Variants in ADGRB3 observed in about 807,000 individuals in gnomAD.
ADGRB3 encodes the protein adhesion G protein-coupled receptor B3.
ADGRB3 carries 37 observed loss-of-function variants against 193.4 expected under a neutral mutation model. That is an observed-to-expected ratio of 0.19 (90% CI 0.15 to 0.25). The LOEUF (loss-of-function observed/expected upper bound fraction) is 0.25, where lower values mean the gene tolerates loss of function less well. Ranked by LOEUF, ADGRB3 falls within the 10% of genes least tolerant of loss-of-function variation. The pLI is 1.00. For missense variants in ADGRB3, 1,637 were observed against 1,852.9 expected, an observed-to-expected ratio of 0.88 and a Z score of 2.14; for synonymous variants, 690 against 644.2, an observed-to-expected ratio of 1.07 and a Z score of -1.08.
intron 17 of ADGRB3, among the ~76,000 whole-genome samples, chr6:69,189,185 CTTAAA>C (rs1284304368): frequency 3.9e-5 from 6 of 152,148 alleles, no homozygotes; most frequent in African/African-American, 9.7e-5. Flanking sequence ...GTCAGAAACT[CTTAAA>C]TTAAGTTAGT....
At chr6:69,272,564 CTG>C (rs1767204898) in intron 20 of ADGRB3, among the ~76,000 whole-genome samples, 1 of 152,012 alleles carries the variant, frequency 6.6e-6, no homozygotes, top group Non-Finnish European at 1.5e-5. Context: ...AAGGAGGAAT[CTG>C]GAATTGGATT....
intron 10 of ADGRB3, among the ~76,000 whole-genome samples, chr6:68,993,518 T>G (rs969909305): frequency 2.0e-5 from 3 of 152,184 alleles, no homozygotes; most frequent in Admixed American, 1.3e-4. Context: ...TGTGTTGAAT[T>G]GTGTGTTCTA....
In ADGRB3 at chr6:68,742,724, A is replaced by T. The variant is rs1766004257; in HGVS notation, c.757+103292A>T. 2.6e-5 allele frequency among the ~76,000 whole-genome samples: 4 copies of T among 152,120 alleles called. No homozygotes were observed. In the South Asian group the frequency reaches 8.3e-4, roughly 31 times the overall value. ...AAATGTTAAATCATCCTAAAATATT[A>T]ATTGAAGTCTTAAGAAATAATGTGA... is the stretch of plus-strand genomic sequence containing the variant. On this transcript the variant is annotated intron_variant, in intron 3 of 31. Transcript: ENST00000370598.
chr6:69,331,500 C>T (rs956343814), intron 23 of ADGRB3: 41 of 983,210 alleles, frequency 4.2e-5, no homozygotes, highest in Non-Finnish European at 4.7e-5. Context: ...TGACATCCTA[C>T]TAATTCTGAT....
At chr6:68,924,912 A>G (rs774950280) in intron 3 of ADGRB3, among the ~76,000 whole-genome samples, 1 of 151,796 alleles carries the variant, frequency 6.6e-6, no homozygotes, top group Non-Finnish European at 1.5e-5. Flanking sequence ...ATATATCCCA[A>G]TATTTATTAA....
intron 10 of ADGRB3, among the ~76,000 whole-genome samples, chr6:68,976,453 C>T (rs187972158): frequency 8.8e-4 from 134 of 151,850 alleles, no homozygotes; most frequent in Non-Finnish European, 1.6e-3. Flanking sequence ...ATAATGTGGC[C>T]GTTAGGGGCG....
chr6:68,928,827 G>A (rs764143806), intron 3 of ADGRB3, among the ~76,000 whole-genome samples: 25 of 152,086 alleles, frequency 1.6e-4, no homozygotes, highest in Non-Finnish European at 2.8e-4. Context: ...AGACATACCC[G>A]CAACTTAAAA....
intron 6 of ADGRB3, among the ~76,000 whole-genome samples, chr6:68,945,545 A>C (rs1157729448): frequency 6.6e-6 from 1 of 152,156 alleles, no homozygotes; most frequent in East Asian, 1.9e-4. Context: ...TTTACATAGA[A>C]TCAAATATAG....
intron 19 of ADGRB3, among the ~76,000 whole-genome samples, chr6:69,236,762 G>A (rs1582567367): frequency 6.6e-6 from 1 of 151,972 alleles, no homozygotes; most frequent in East Asian, 1.9e-4. Flanking sequence ...ATTTAATCAA[G>A]GAAACATACA....
At chr6:69,110,996 T>G (rs750682208) in intron 17 of ADGRB3, among the ~76,000 whole-genome samples, 4 of 152,200 alleles carry the variant, frequency 2.6e-5, no homozygotes, top group Non-Finnish European at 5.9e-5. Flanking sequence ...ATAAATTTGG[T>G]TTCTGATGAT....
chr6:69,270,746 T>C (rs1767156696), intron 20 of ADGRB3, among the ~76,000 whole-genome samples: 1 of 152,174 alleles, frequency 6.6e-6, no homozygotes, highest in Non-Finnish European at 1.5e-5. Context: ...TACCCTGCTG[T>C]TCGATTAAGA....
chr6:68,702,855 T>C (rs561320175), intron 3 of ADGRB3, among the ~76,000 whole-genome samples: 29 of 152,334 alleles, frequency 1.9e-4, no homozygotes, highest in African/African-American at 7.0e-4. Context: ...GACTGAAATA[T>C]AAAATATGTA....
intron 3 of ADGRB3, among the ~76,000 whole-genome samples, chr6:68,865,233 A>G (rs796103528): frequency 2.4e-4 from 29 of 119,620 alleles, no homozygotes; most frequent in African/African-American, 7.5e-4. Flanking sequence ...AATATTTTGG[A>G]TATAATATAC....
At chr6:69,253,041 A>G (rs1333057943) in intron 20 of ADGRB3, among the ~76,000 whole-genome samples, 2 of 152,036 alleles carry the variant, frequency 1.3e-5, no homozygotes, top group Non-Finnish European at 1.5e-5. Flanking sequence ...CTGTTTGTTC[A>G]AAAAATTTCC....
At chr6:68,692,249 C>T (rs1358440211) in intron 3 of ADGRB3, among the ~76,000 whole-genome samples, 1 of 151,854 alleles carries the variant, frequency 6.6e-6, no homozygotes, top group Non-Finnish European at 1.5e-5. Flanking sequence ...AGCCCATTAA[C>T]TTTGATGTCA....
chr6:68,873,910 C>T (rs1461026616), intron 3 of ADGRB3, among the ~76,000 whole-genome samples: 1 of 151,978 alleles, frequency 6.6e-6, no homozygotes, highest in Admixed American at 6.6e-5. Flanking sequence ...AGCATATATT[C>T]TTTCTTCTCT....
intron 17 of ADGRB3, among the ~76,000 whole-genome samples, chr6:69,086,725 A>G (rs1772560962): frequency 6.6e-6 from 1 of 152,140 alleles, no homozygotes; most frequent in African/African-American, 2.4e-5. Context: ...TTATTTATTT[A>G]AAGAAATAAC....
chr6:69,229,424 T>A (rs1582561737), intron 17 of ADGRB3, among the ~76,000 whole-genome samples: 1 of 152,140 alleles, frequency 6.6e-6, no homozygotes, highest in Non-Finnish European at 1.5e-5. Context: ...GAGGGTAGTG[T>A]AGTTAGAAAT....
At chr6:68,663,564 A>G (rs1768721862) in intron 3 of ADGRB3, among the ~76,000 whole-genome samples, 1 of 151,816 alleles carries the variant, frequency 6.6e-6, no homozygotes, top group Non-Finnish European at 1.5e-5. Context: ...CATAGAAGGC[A>G]ATGCATTGTA....
Sources: allele counts gnomAD v4.1 joint callset (sites outside exome capture counted in the v4.1 genomes callset), GRCh38; gene constraint gnomAD v4.1.1; transcripts MANE v1.5; gene names NCBI Gene and HGNC (gene_info 2026-07-23, HGNC 2026-07-21).